The following CLTC variants were observed in gnomAD, a reference collection of about 807,000 sequenced individuals.
The protein encoded by CLTC is clathrin heavy chain 1.
CLTC carries 16 observed loss-of-function variants against 195.8 expected under a neutral mutation model. That is an observed-to-expected ratio of 0.08 (90% CI 0.06 to 0.12). The LOEUF (loss-of-function observed/expected upper bound fraction) is 0.12. Ranked by LOEUF, CLTC falls within the 10% of genes least tolerant of loss-of-function variation. CLTC has a pLI of 1.00. For missense variants in CLTC, 796 were observed against 2,027.0 expected (o/e 0.39, Z 11.66); for synonymous variants, 667 against 689.4 (o/e 0.97, Z 0.51).
At chr17:59,686,936 A>G in intron 30 of CLTC, 1 of 921,858 alleles carries the variant, frequency 1.1e-6, no homozygotes, top group Non-Finnish European at 1.3e-6. Context: ...TGCTGATTCT[A>G]CCTTTTTATG....
At position 59,641,117 on chromosome 17, in the gene CLTC, C is replaced by CAAA. The variant is rs10667057; in HGVS notation, c.43-3150_43-3148dup. On this transcript the variant is annotated intron_variant, in intron 1 of 31. Coordinates refer to ENST00000269122, the MANE Select transcript of CLTC (RefSeq NM_004859.4). ...CTGGTGACAGAGCGAGACTCGGTTT[C>CAAA]AAAAAAAAAAACAAAAAACTTGCAA... Among the ~76,000 whole-genome samples the CAAA allele has an allele frequency of 1.6e-3, 236 of 145,262 alleles. 1 individual carries two copies. Among genetic ancestry groups the CAAA allele is most frequent in the South Asian group, 0.013 (58 of 4,590 alleles).
rs1053916107 is a variant in CLTC, at chr17:59,694,332, A to G, written c.*480A>G. On this transcript the variant is annotated 3_prime_UTR_variant, in exon 32 of 32. Coordinates refer to ENST00000269122, the MANE Select transcript of CLTC (RefSeq NM_004859.4). Reference sequence around the variant, plus strand: ...TGACCATGCAAGACTGTCAGTGCCAACAAAGACAACACTAATCAGCACATC... The same window carrying G: ...TGACCATGCAAGACTGTCAGTGCCAGCAAAGACAACACTAATCAGCACATC... The G allele has an allele frequency of 9.0e-6, 2 of 223,338 alleles. No individual in the cohort carries two copies. Among genetic ancestry groups the G allele is most frequent in the Non-Finnish European group, 1.8e-5 (2 of 111,542 alleles). 13.8% of individuals were successfully genotyped at this position (223,338 alleles called of 1,614,324 possible). A position where few individuals can be genotyped will look rare whatever the true frequency, so the allele number is the denominator to read the frequency against.
intron 10 of CLTC, among the ~76,000 whole-genome samples, chr17:59,665,702 G>A (rs2032713869): frequency 6.6e-6 from 1 of 152,060 alleles, no homozygotes; most frequent in Admixed American, 6.6e-5. Flanking sequence ...TTAGCTAGGT[G>A]TGGTGGCAGA....
Position 59,681,053 on chromosome 17 carries a change from C to T in CLTC, c.3061C>T (p.His1021Tyr). The T allele has an allele frequency of 6.2e-7, 1 of 1,613,542 alleles. No homozygotes were observed. Among genetic ancestry groups the T allele is most frequent in the Non-Finnish European group, 8.5e-7 (1 of 1,179,646 alleles). Residue 1021 changes from histidine to tyrosine, a missense_variant, in exon 19 of 32, where the codon CAC becomes TAC. Physicochemically the swap from His to Tyr is moderately conservative, Grantham distance 83. Transcript: ENST00000269122. This position sits in a 1 kb window ranked among gnomAD's most constrained non-coding sequence, Gnocchi z 5.0. ...CCTTGATAACTCTGTATTCAGTGAA[C>T]ACAGGTATGCTTTCAGAGGGATCCA... ...IVLDNSVFSE[H>Y]RNLQNLLILT...
chr17:59,690,361 C>G (rs1422975891), intron 30 of CLTC: 1 of 318,308 alleles, frequency 3.1e-6, no homozygotes, highest in Non-Finnish European at 5.7e-6. Flanking sequence ...TTCTCCCTCC[C>G]TCAGGCTGCA....
intron 16 of CLTC, among the ~76,000 whole-genome samples, chr17:59,676,254 G>A (rs2032963502): frequency 6.6e-6 from 1 of 152,172 alleles, no homozygotes; most frequent in South Asian, 2.1e-4. Flanking sequence ...CTATAGTATA[G>A]CAAAACTGTG....
At position 59,619,965 on chromosome 17, in the gene CLTC, C is replaced by A. The variant is rs1447468772; in HGVS notation, c.-167C>A. On this transcript the variant is annotated 5_prime_UTR_variant, in exon 1 of 32. Coordinates refer to ENST00000269122, the MANE Select transcript of CLTC (RefSeq NM_004859.4). ...TCTCCTGGCCCCTGGAGCCTCCGCC[C>A]CCGACCCGAGCTCTTTCGTCTGCCT... 1.6e-6 allele frequency: 1 copy of A among 620,222 alleles called. No individual in the cohort carries two copies. Among genetic ancestry groups the A allele is most frequent in the East Asian group, 2.8e-5 (1 of 35,986 alleles). The allele number at this position is 620,222 out of a possible 1,614,324, so 38.4% of individuals were successfully genotyped here. A position where few individuals can be genotyped will look rare whatever the true frequency, so the allele number is the denominator to read the frequency against.
At chr17:59,661,366 G>C in intron 7 of CLTC, 77 bp from the exon 8 acceptor site, 1 of 1,133,720 alleles carries the variant, frequency 8.8e-7, no homozygotes, top group Non-Finnish European at 1.3e-6. Context: ...TGTGATGTTT[G>C]GATCACTTTC....
intron 10 of CLTC, among the ~76,000 whole-genome samples, chr17:59,665,834 C>CT (rs1289187549): frequency 6.6e-6 from 1 of 152,026 alleles, no homozygotes; most frequent in Non-Finnish European, 1.5e-5. Context: ...GAGCGAAACT[C>CT]TGCCTCAAAA....
chr17:59,675,952 A>C (rs1336727837), intron 16 of CLTC, among the ~76,000 whole-genome samples: 1 of 152,210 alleles, frequency 6.6e-6, no homozygotes, highest in African/African-American at 2.4e-5. Context: ...TCTTCTCCCT[A>C]ATGGGAGGGT....
rs2033164417 is a variant in CLTC at position 59,685,465 on chromosome 17, T to C, written c.4606-122T>C. ...AAAATTTTAATTTAAATGATACAAC[T>C]AGGAGGCTTTTTTCCCCTTGCAAAA... On this transcript the variant is annotated intron_variant, in intron 29 of 31. Coordinates refer to ENST00000269122, the MANE Select transcript of CLTC (RefSeq NM_004859.4). This position sits in a 1 kb window ranked among gnomAD's most constrained non-coding sequence, Gnocchi z 5.0. 1.1e-6 allele frequency: 1 copy of C among 930,786 alleles called. No homozygotes were observed. The allele number at this position is 930,786 out of a possible 1,614,324, so 57.7% of individuals were successfully genotyped here.
chr17:59,621,501 T>G (rs1403102231), intron 1 of CLTC, among the ~76,000 whole-genome samples: 4 of 152,246 alleles, frequency 2.6e-5, no homozygotes, highest in Non-Finnish European at 5.9e-5. Flanking sequence ...AATAAAAGGT[T>G]TTAACATTCA....
At chr17:59,629,637 A>C (rs1598201483) in intron 1 of CLTC, among the ~76,000 whole-genome samples, 1 of 147,608 alleles carries the variant, frequency 6.8e-6, no homozygotes, top group African/African-American at 2.5e-5. Context: ...TCTTCTGCCT[A>C]AGCCTCCCAA....
At chr17:59,633,308 T>G (rs2143462456) in intron 1 of CLTC, among the ~76,000 whole-genome samples, 1 of 152,178 alleles carries the variant, frequency 6.6e-6, no homozygotes, top group South Asian at 2.1e-4. Flanking sequence ...CTGGCCAACA[T>G]GGTGAAACCC....
At position 59,683,935 on chromosome 17, in the gene CLTC, T is replaced by C; in HGVS notation, c.4384T>C (p.Ser1462Pro). The change falls in exon 28 of 32, where the codon TCT (serine) becomes CCT (proline). Residue 1462 changes from serine to proline, a missense_variant. Coordinates refer to ENST00000269122, the MANE Select transcript of CLTC (RefSeq NM_004859.4). The surrounding 1 kb of genome is among the most constrained non-coding windows in gnomAD (Gnocchi z 6.1). ...TTCAGTTCAGAACCATAACAACAAA[T>C]CTGTGAATGAATCATTGAACAATCT... The part of the protein sequence containing the change: ...LRSVQNHNNK[S>P]VNESLNNLFI... 1.9e-6 allele frequency: 3 copies of C among 1,613,310 alleles called. No individual in the cohort carries two copies. Among genetic ancestry groups the C allele is most frequent in the Non-Finnish European group, 2.5e-6 (3 of 1,179,282 alleles).
chr17:59,660,375 ATTC>A lies in CLTC; in HGVS notation c.970-13_970-11del, dbSNP rs2032581444. Reference sequence around the variant, plus strand: ...AATGAACACATTGCAGCTACATTTTATTCTTTAAATTGCAGGTTCTGTCAGTGT... The same window carrying A: ...AATGAACACATTGCAGCTACATTTTATTTAAATTGCAGGTTCTGTCAGTGT... On this transcript the variant is annotated splice_polypyrimidine_tract_variant and intron_variant, in intron 6 of 31. Coordinates refer to ENST00000269122, the MANE Select transcript of CLTC (RefSeq NM_004859.4). The A allele has an allele frequency of 6.2e-7, 1 of 1,609,396 alleles. No homozygotes were observed. Among genetic ancestry groups the A allele is most frequent in the African/African-American group, 1.3e-5 (1 of 74,846 alleles).
intron 1 of CLTC, among the ~76,000 whole-genome samples, chr17:59,626,824 C>G (rs903632992): frequency 3.3e-5 from 5 of 152,170 alleles, no homozygotes; most frequent in African/African-American, 1.2e-4. Context: ...CAAAACCCAT[C>G]TGTCAGACTT....
In CLTC at chr17:59,695,924, A is replaced by ATGAG. The variant is rs1435632793; in HGVS notation, c.*2074_*2077dup. On this transcript the variant is annotated 3_prime_UTR_variant, in exon 32 of 32. Transcript: ENST00000269122. ...AGTATACTTTGAAAACTATAAGATTATGAGTTCTATAAAATACCAAGTACA... is the reference window on the plus strand; with the variant it reads ...AGTATACTTTGAAAACTATAAGATTATGAGTGAGTTCTATAAAATACCAAGTACA... The ATGAG allele has an allele frequency of 4.9e-6, 1 of 203,370 alleles. No individual in the cohort carries two copies. The highest frequency in any genetic ancestry group is 7.6e-5 in the East Asian group (1 of 13,170). 12.6% of individuals were successfully genotyped at this position (203,370 alleles called of 1,614,324 possible).
Position 59,664,791 on chromosome 17 carries a change from G to C in CLTC, c.1526G>C (p.Gly509Ala). 2.5e-6 allele frequency: 4 copies of C among 1,613,754 alleles called. No homozygotes were observed. The highest frequency in any genetic ancestry group is 3.4e-6 in the Non-Finnish European group (4 of 1,179,804). ...QKIVLYAKKV[G>A]YTPDWIFLLR... The stretch of plus-strand genomic sequence containing the variant: ...TAAGTCTTTGTTTGTTTATAGGTTG[G>C]ATACACTCCAGATTGGATATTTCTG... The change falls in exon 10 of 32, where the codon GGA becomes GCA. Residue 509 changes from glycine to alanine, a missense_variant. Physicochemically the swap from Gly to Ala is moderately conservative, Grantham distance 60. Coordinates refer to ENST00000269122, the MANE Select transcript of CLTC (RefSeq NM_004859.4).
Sources: allele counts gnomAD v4.1 joint callset (sites outside exome capture counted in the v4.1 genomes callset), GRCh38; gene constraint gnomAD v4.1.1; non-coding constraint Gnocchi (gnomAD v3.1); transcripts MANE v1.5; gene names NCBI Gene and HGNC (gene_info 2026-07-23, HGNC 2026-07-21).